The following DTNA variants were observed in gnomAD, a reference collection of about 807,000 sequenced individuals.
The protein encoded by DTNA is dystrophin-related protein 3.
Under a neutral mutation model 100.7 loss-of-function variants are expected in DTNA, and 43 were observed. The observed-to-expected ratio is 0.43, with a 90% CI of 0.33 to 0.55. The LOEUF is 0.55. Among genes scored for constraint, DTNA ranks in the 20% least tolerant of loss-of-function variants. DTNA has a pLI of 0.04. For missense variants in DTNA, 798 were observed against 953.9 expected, an observed-to-expected ratio of 0.84 and a Z score of 2.15; for synonymous variants, 349 against 347.9, an observed-to-expected ratio of 1.00 and a Z score of -0.04.
At chr18:34,852,604 C>CCAT (rs1397557940) in intron 15 of DTNA, among the ~76,000 whole-genome samples, 5 of 152,216 alleles carry the variant, frequency 3.3e-5, no homozygotes, top group Non-Finnish European at 5.9e-5. Flanking sequence ...ACTCCTCTTA[C>CCAT]CATCACCTGC....
At chr18:34,665,541 T>C (rs1002643359) in intron 1 of DTNA, among the ~76,000 whole-genome samples, 4 of 152,168 alleles carry the variant, frequency 2.6e-5, no homozygotes, top group African/African-American at 9.7e-5. Context: ...TCATTTAACA[T>C]TAGGTATATC....
At chr18:34,781,150 G>A (rs1456169390) in intron 3 of DTNA, among the ~76,000 whole-genome samples, 1 of 152,114 alleles carries the variant, frequency 6.6e-6, no homozygotes, top group East Asian at 1.9e-4. Flanking sequence ...AGGGCCAAGA[G>A]GATTTCCAAA....
chr18:34,656,944 T>A (rs1028734571), intron 1 of DTNA, among the ~76,000 whole-genome samples: 2 of 152,168 alleles, frequency 1.3e-5, no homozygotes, highest in Admixed American at 6.5e-5. Flanking sequence ...TGGCATGATC[T>A]CGGCTCACTG....
intron 14 of DTNA, among the ~76,000 whole-genome samples, chr18:34,850,934 G>A (rs1224321693): frequency 6.6e-6 from 1 of 152,080 alleles, no homozygotes; most frequent in Non-Finnish European, 1.5e-5. Context: ...TTCTGAAAAT[G>A]AGGAGCTGGA....
At chr18:34,708,051 C>T (rs1474106800), upstream of DTNA, 1 of 152,178 alleles carries the variant, frequency 6.6e-6, no homozygotes, top group Admixed American at 6.5e-5. Context: ...TAACTTCCTG[C>T]AATGAAAAAT....
At position 34,886,230 on chromosome 18, in the gene DTNA, T is replaced by C. The variant is rs973386333; in HGVS notation, c.*31+1454T>C. 2.0e-5 allele frequency among the ~76,000 whole-genome samples: 3 copies of C among 152,360 alleles called. No individual in the cohort carries two copies. The South Asian group carries it at 6.2e-4, about 32-fold the overall frequency. ...CCTGTCTCAGTCCTCAGGTTAAAAT[T>C]AAGCAAGTGAAAATCATGGAGTAAT... On this transcript the variant is annotated intron_variant, in intron 22 of 22. Transcript: ENST00000444659.
At chr18:34,870,206 G>A (rs2096751702) in intron 17 of DTNA, among the ~76,000 whole-genome samples, 1 of 152,026 alleles carries the variant, frequency 6.6e-6, no homozygotes, top group South Asian at 2.1e-4. Context: ...AACTTGGTGG[G>A]GAAAAAAAGT....
rs1340464175 is a variant in DTNA at position 34,829,428 on chromosome 18, C to T, written c.1114C>T (p.Pro372Ser). 11 of 1,534,786 alleles carry T rather than the reference C, an allele frequency of 7.2e-6. No individual in the cohort carries two copies. The highest frequency in any genetic ancestry group is 1.7e-4 in the Middle Eastern group (1 of 5,988). ...ACCTGAGGGAATAAGTGCATCCAGC[C>T]CTGTGGCTGAAGAGCATTCCCTCAT... Reference protein sequence around the residue: ...RLPEGISASSPVAEEHSLIKL... With the variant: ...RLPEGISASSSVAEEHSLIKL... The change falls in exon 11 of 23, where the codon CCT becomes TCT. Residue 372 changes from proline to serine, a missense_variant. This residue lies in a region of DTNA where 93 missense variants were observed against 90.5 expected (regional missense o/e 1.03). Coordinates refer to ENST00000444659, the MANE Select transcript of DTNA (RefSeq NM_001386795.1).
chr18:34,627,399 C>T (rs2057469847), intron 1 of DTNA, among the ~76,000 whole-genome samples: 2 of 152,080 alleles, frequency 1.3e-5, no homozygotes, highest in South Asian at 4.1e-4. Flanking sequence ...TCCCTTTAGC[C>T]AAGAAGGACA....
At chr18:34,823,916 T>C (rs1329415895) in intron 9 of DTNA, among the ~76,000 whole-genome samples, 4 of 152,236 alleles carry the variant, frequency 2.6e-5, no homozygotes, top group Non-Finnish European at 5.9e-5. Flanking sequence ...CCTGAGGTTC[T>C]GGACATTGGG....
At chr18:34,694,442 C>G (rs960312192) in intron 1 of DTNA, among the ~76,000 whole-genome samples, 1 of 152,112 alleles carries the variant, frequency 6.6e-6, no homozygotes, top group Non-Finnish European at 1.5e-5. Context: ...TTTCAAAAAG[C>G]AAATGTTAAG....
intron 1 of DTNA, among the ~76,000 whole-genome samples, chr18:34,661,059 A>C (rs917049642): frequency 4.6e-5 from 7 of 152,188 alleles, no homozygotes; most frequent in Non-Finnish European, 1.0e-4. Context: ...CTATTATGAT[A>C]TCTATTTTTT....
chr18:34,761,093 C>T (rs1248759568), intron 2 of DTNA, among the ~76,000 whole-genome samples: 1 of 151,834 alleles, frequency 6.6e-6, no homozygotes, highest in East Asian at 1.9e-4. Flanking sequence ...CTCTCTTTCT[C>T]TCTCTCAGTA....
At chr18:34,743,344 C>T (rs894057940) in intron 1 of DTNA, among the ~76,000 whole-genome samples, 4 of 152,118 alleles carry the variant, frequency 2.6e-5, no homozygotes, top group Non-Finnish European at 5.9e-5. Flanking sequence ...TCATTAACCC[C>T]ATCTACTTGG....
chr18:34,706,512 T>C (rs998366071), upstream of DTNA, among the ~76,000 whole-genome samples: 1 of 151,908 alleles, frequency 6.6e-6, no homozygotes, highest in African/African-American at 2.4e-5. Context: ...CATGAAAAAA[T>C]ACAAAAACAG....
upstream of DTNA, among the ~76,000 whole-genome samples, chr18:34,707,977 TCTTA>T (rs1274132465): frequency 2.0e-5 from 3 of 152,242 alleles, no homozygotes; most frequent in Admixed American, 1.3e-4. Flanking sequence ...GGCTTTTCTT[TCTTA>T]CTTACTTTTT....
intron 3 of DTNA, among the ~76,000 whole-genome samples, chr18:34,777,073 C>T (rs1320582441): frequency 6.6e-6 from 1 of 152,194 alleles, no homozygotes; most frequent in East Asian, 1.9e-4. Flanking sequence ...TTCCCCTATC[C>T]GCCTTGTCCT....
intron 1 of DTNA, among the ~76,000 whole-genome samples, chr18:34,517,754 A>G (rs1039836316): frequency 6.6e-6 from 1 of 152,102 alleles, no homozygotes; most frequent in African/African-American, 2.4e-5. Context: ...ATTGAGTTCT[A>G]GCCACCTTAC....
chr18:34,536,300 T>G (rs2145632870), intron 1 of DTNA, among the ~76,000 whole-genome samples: 1 of 152,134 alleles, frequency 6.6e-6, no homozygotes, highest in African/African-American at 2.4e-5. Context: ...CTGCCAAGTT[T>G]TTTTTTCTTG....
Sources: allele counts gnomAD v4.1 joint callset (sites outside exome capture counted in the v4.1 genomes callset), GRCh38; gene constraint gnomAD v4.1.1; regional missense constraint gnomAD v4.1.1; transcripts MANE v1.5; gene names NCBI Gene and HGNC (gene_info 2026-07-23, HGNC 2026-07-21).